The following CREB5 variants were observed in gnomAD, a reference collection of about 807,000 sequenced individuals.
The protein encoded by CREB5 is cyclic AMP-responsive element-binding protein 5.
In CREB5, 19 loss-of-function variants were observed where a neutral mutation model predicts 57.1. That is an observed-to-expected ratio of 0.33 (90% confidence interval 0.23 to 0.49). CREB5 has a LOEUF of 0.49. Among genes scored for constraint, CREB5 ranks in the 20% least tolerant of loss-of-function variants. The probability of loss-of-function intolerance (pLI) is 0.99; values close to 1 mark genes in which losing one functional copy is unlikely to be tolerated. For synonymous variants in CREB5, 238 were observed against 238.3 expected (o/e 1.00, Z 0.01); for missense variants, 579 against 671.6 (o/e 0.86, Z 1.52).
rs1266014184 is a variant in CREB5 at position 28,414,840 on chromosome 7, A to G, written c.3+1923A>G. Among the ~76,000 whole-genome samples, 3 of 152,016 alleles carry G rather than the reference A, an allele frequency of 2.0e-5. No homozygotes were observed. In the East Asian group the frequency reaches 5.8e-4, roughly 29 times the overall value. On this transcript the variant is annotated intron_variant, in intron 1 of 10. Coordinates refer to ENST00000357727, the MANE Select transcript of CREB5 (RefSeq NM_182898.4). ...TTAGAAATTTCCAGATAGTGATAGC[A>G]CTCTTCCAGAAACCCCACTAAAATT...
intron 1 of CREB5, among the ~76,000 whole-genome samples, chr7:28,341,624 G>A (rs1785939057): frequency 6.6e-6 from 1 of 152,100 alleles, no homozygotes; most frequent in African/African-American, 2.4e-5. Context: ...ATTTTGTCTT[G>A]CATTCTTTGT....
At chr7:28,565,523 T>C (rs568095597) in intron 4 of CREB5, among the ~76,000 whole-genome samples, 9 of 152,332 alleles carry the variant, frequency 5.9e-5, no homozygotes, top group East Asian at 1.9e-4. Context: ...CTAAGGATCA[T>C]TGGGAAGACT....
chr7:28,672,180 A>ACACACACACACACAC (rs1554283278), intron 5 of CREB5, among the ~76,000 whole-genome samples: 4 of 84,442 alleles, frequency 4.7e-5, no homozygotes, highest in Admixed American at 1.1e-4. Flanking sequence ...TTATGGAAAA[A>ACACACACACACACAC]AAAAAAAAAC....
intron 1 of CREB5, among the ~76,000 whole-genome samples, chr7:28,438,398 G>A (rs1018487574): frequency 7.2e-5 from 11 of 152,124 alleles, no homozygotes; most frequent in African/African-American, 2.4e-4. Context: ...ATGGGCTAGA[G>A]ATCACTGATC....
chr7:28,739,987 C>T (rs770593845), intron 7 of CREB5, among the ~76,000 whole-genome samples: 4 of 152,150 alleles, frequency 2.6e-5, no homozygotes, highest in Non-Finnish European at 2.9e-5. Context: ...GGAATAGTCT[C>T]CCTTCTAAAT....
intron 4 of CREB5, among the ~76,000 whole-genome samples, chr7:28,533,575 G>T (rs1793825761): frequency 6.6e-6 from 1 of 152,170 alleles, no homozygotes; most frequent in South Asian, 2.1e-4. Context: ...ATTCTACTGG[G>T]TAAGAACTAA....
At chr7:28,559,201 G>A (rs1794983639) in intron 4 of CREB5, among the ~76,000 whole-genome samples, 1 of 152,186 alleles carries the variant, frequency 6.6e-6, no homozygotes, top group African/African-American at 2.4e-5. Context: ...ACTTCCATCA[G>A]TGGCTCTGGT....
chr7:28,388,078 C>T (rs926103718), intron 1 of CREB5, among the ~76,000 whole-genome samples: 5 of 152,126 alleles, frequency 3.3e-5, no homozygotes, highest in African/African-American at 9.7e-5. Context: ...AGGAATCCTG[C>T]AAGACCTGAG....
At chr7:28,527,649 A>G (rs1325207068) in intron 4 of CREB5, among the ~76,000 whole-genome samples, 2 of 152,138 alleles carry the variant, frequency 1.3e-5, no homozygotes, top group East Asian at 3.9e-4. Context: ...AGACATCATC[A>G]CTACAAAAAA....
chr7:28,493,344 C>T (rs1392118023), intron 2 of CREB5, among the ~76,000 whole-genome samples: 1 of 152,162 alleles, frequency 6.6e-6, no homozygotes, highest in Non-Finnish European at 1.5e-5. Flanking sequence ...TACAAACATA[C>T]CAGTCTGAGG....
chr7:28,488,923 T>C (rs1342944084), intron 2 of CREB5, among the ~76,000 whole-genome samples: 1 of 152,244 alleles, frequency 6.6e-6, no homozygotes, highest in African/African-American at 2.4e-5. Context: ...CTATTGCTGC[T>C]GCTGCTGCTA....
intron 1 of CREB5, among the ~76,000 whole-genome samples, chr7:28,320,483 ACCAGGCTTC>A (rs1323718409): frequency 2.6e-5 from 4 of 152,214 alleles, no homozygotes; most frequent in African/African-American, 9.6e-5. Flanking sequence ...GCTCCGCTTT[ACCAGGCTTC>A]CCTTCCCCTT....
At chr7:28,767,746 G>A (rs1280566007) in intron 7 of CREB5, among the ~76,000 whole-genome samples, 1 of 152,190 alleles carries the variant, frequency 6.6e-6, no homozygotes, top group African/African-American at 2.4e-5. Context: ...CATCGCATCT[G>A]TATCCATCCA....
intron 1 of CREB5, among the ~76,000 whole-genome samples, chr7:28,335,330 T>A (rs1334769420): frequency 6.6e-6 from 1 of 152,206 alleles, no homozygotes; most frequent in African/African-American, 2.4e-5. Context: ...CACATGAACA[T>A]GAAATGTCTT....
At chr7:28,676,425 C>G (rs1324570925) in intron 5 of CREB5, among the ~76,000 whole-genome samples, 2 of 152,074 alleles carry the variant, frequency 1.3e-5, no homozygotes, top group Admixed American at 1.3e-4. Context: ...CATTGTAATT[C>G]AGACACTTAA....
chr7:28,790,695 G>A (rs1387403173), intron 7 of CREB5, among the ~76,000 whole-genome samples: 1 of 152,210 alleles, frequency 6.6e-6, no homozygotes, highest in Non-Finnish European at 1.5e-5. Flanking sequence ...GAAACCCAGA[G>A]TAGCAACATC....
intron 7 of CREB5, among the ~76,000 whole-genome samples, chr7:28,729,786 T>C (rs971635008): frequency 2.6e-5 from 4 of 152,348 alleles, no homozygotes; most frequent in East Asian, 3.9e-4. Flanking sequence ...AGAAGTGCTA[T>C]TGACTTTAAA....
chr7:28,401,991 T>A (rs2127999833), intron 1 of CREB5, among the ~76,000 whole-genome samples: 1 of 152,324 alleles, frequency 6.6e-6, no homozygotes, highest in Non-Finnish European at 1.5e-5. Flanking sequence ...CACCACACTG[T>A]CTTCCACAAT....
At chr7:28,411,179 G>T (rs763055645), upstream of CREB5, among the ~76,000 whole-genome samples, 4 of 152,186 alleles carry the variant, frequency 2.6e-5, no homozygotes, top group Non-Finnish European at 5.9e-5. Context: ...GTTTGCAAGC[G>T]TTATGATAAT....
Sources: gnomAD v4.1 joint callset for allele counts (sites outside exome capture counted in the v4.1 genomes callset) on GRCh38, gnomAD v4.1.1 for gene constraint, MANE v1.5 for transcripts, NCBI Gene and HGNC (gene_info 2026-07-23, HGNC 2026-07-21) for gene names.